KIAA1210: variants seen among roughly 807,000 people sequenced by gnomAD.
KIAA1210 encodes acrosomal protein KIAA1210.
KIAA1210 carries 48 observed loss-of-function variants against 78.9 expected under a neutral mutation model. The ratio of observed to expected loss-of-function variants is 0.61; its 90% CI spans 0.48 to 0.77. The LOEUF is 0.77. Among genes scored for constraint, KIAA1210 ranks in the 30% least tolerant of loss-of-function variants. The probability of loss-of-function intolerance (pLI) is 0.00; values close to 1 mark genes in which losing one functional copy is unlikely to be tolerated. For missense variants in KIAA1210, 1,108 were observed against 1,100.0 expected, an observed-to-expected ratio of 1.01 and a Z score of -0.10; for synonymous variants, 406 against 404.5, an observed-to-expected ratio of 1.00 and a Z score of -0.04.
chrX:119,108,829 G>A (rs1040923521), intron 4 of KIAA1210, among the ~76,000 whole-genome samples: 1 of 105,810 alleles, frequency 9.5e-6, no homozygotes, highest in Non-Finnish European at 1.9e-5. Context: ...AGGTGACAGA[G>A]TGAGACCTGT....
At position 119,088,408 on chromosome X, in the gene KIAA1210, G is replaced by A; in HGVS notation, c.2294C>T (p.Ser765Phe). 1 of 1,211,163 alleles carries A rather than the reference G, an allele frequency of 8.3e-7. No individual in the cohort carries two copies. The highest frequency in any genetic ancestry group is 3.0e-5 in the East Asian group (1 of 33,818). The change falls in exon 9 of 12, where the codon TCC becomes TTC. Residue 765 changes from serine to phenylalanine, a missense_variant. Coordinates refer to ENST00000691062, the MANE Select transcript of KIAA1210 (RefSeq NM_001394962.1). ...SVGTSIKQSDSVEPIPPRHPF... is the reference protein window; with the variant it reads ...SVGTSIKQSDFVEPIPPRHPF... Reference sequence around the variant, plus strand: ...GTGTCTTGGAGGGATTGGCTCCACGGAATCGCTCTGTTTTATAGAAGTGCC... The same window carrying A: ...GTGTCTTGGAGGGATTGGCTCCACGAAATCGCTCTGTTTTATAGAAGTGCC...
chrX:119,080,955 G>C lies in KIAA1210; in HGVS notation c.*374C>G. On this transcript the variant is annotated 3_prime_UTR_variant, in exon 12 of 12. Coordinates refer to ENST00000691062, the MANE Select transcript of KIAA1210 (RefSeq NM_001394962.1). ...CTACATAGAATTAATACAGCTATTA[G>C]CAATTATCATTTAAAACGCTGATGC... 8.3e-6 allele frequency: 1 copy of C among 120,076 alleles called. No homozygotes were observed. Among genetic ancestry groups the C allele is most frequent in the African/African-American group, 3.2e-5 (1 of 31,301 alleles). The allele number at this position is 120,076 out of a possible 1,213,427, so 9.9% of individuals were successfully genotyped here. A position where few individuals can be genotyped will look rare whatever the true frequency, so the allele number is the denominator to read the frequency against.
chrX:119,147,923 C>G (rs1224382022), intron 1 of KIAA1210, among the ~76,000 whole-genome samples: 1 of 111,962 alleles, frequency 8.9e-6, no homozygotes, highest in Non-Finnish European at 1.9e-5. Flanking sequence ...TCACTTGAGC[C>G]CAGGAGTTTG....
intron 3 of KIAA1210, among the ~76,000 whole-genome samples, chrX:119,111,946 C>A (rs763580989): frequency 7.2e-5 from 8 of 110,627 alleles, no homozygotes; most frequent in Non-Finnish European, 1.1e-4. Context: ...GCTCTGTGTC[C>A]CCACCCAAAT....
chrX:119,135,487 G>T (rs1026246152), intron 2 of KIAA1210, among the ~76,000 whole-genome samples: 2 of 111,666 alleles, frequency 1.8e-5, no homozygotes, highest in Non-Finnish European at 3.8e-5. Flanking sequence ...GGGGAGGAGG[G>T]GCAGGAAAGC....
chrX:119,138,519 G>GAGA (rs1928975924), intron 2 of KIAA1210, among the ~76,000 whole-genome samples: 1 of 111,411 alleles, frequency 9.0e-6, no homozygotes, highest in Admixed American at 9.6e-5. Flanking sequence ...GCGCCAGGCC[G>GAGA]AGAAGGCGGA....
Position 119,088,856 on chromosome X carries a change from C to A in KIAA1210, c.1846G>T (p.Gly616Cys), listed in dbSNP as rs376637053. 99 of 1,209,576 alleles carry A rather than the reference C, an allele frequency of 8.2e-5. No individual in the cohort carries two copies. The highest frequency in any genetic ancestry group is 3.4e-4 in the South Asian group (19 of 56,590). ...DSENIPEEGD[G>C]SEELAHGHSS... ...TGACCATGAGCCAGTTCTTCAGAAC[C>A]ATCCCCCTCCTCAGGAATATTCTCT... Residue 616 changes from glycine to cysteine, a missense_variant, in exon 9 of 12, where the codon GGT (glycine) becomes TGT (cysteine). By Grantham distance (159) the Gly-to-Cys change is radical. Around this residue, in one of 5 missense-constraint regions of KIAA1210, gnomAD observed 672 missense variants for 607.1 expected, o/e 1.11. Transcript: ENST00000691062.
At position 119,079,152 on chromosome X, in the gene KIAA1210, A is replaced by T. The variant is rs377731977; in HGVS notation, c.*2177T>A. The T allele has an allele frequency of 3.5e-5, 4 of 112,751 alleles. No individual in the cohort carries two copies. Among genetic ancestry groups the T allele is most frequent in the African/African-American group, 1.3e-4 (4 of 31,087 alleles). 9.3% of individuals were successfully genotyped at this position (112,751 alleles called of 1,213,427 possible). A position where few individuals can be genotyped will look rare whatever the true frequency, so the allele number is the denominator to read the frequency against. On this transcript the variant is annotated 3_prime_UTR_variant, in exon 12 of 12. Transcript: ENST00000691062. ...TTAGCATGTAATTGTACTGTGTCAC[A>T]TTATACCAGCATCAACAAAACCCAG...
chrX:119,147,342 A>T, intron 2 of KIAA1210: 1 of 738,426 alleles, frequency 1.4e-6, no homozygotes. Flanking sequence ...CTAATCTCAA[A>T]TTGTAACCCA....
At chrX:119,119,747 C>T (rs1928385880) in intron 2 of KIAA1210, among the ~76,000 whole-genome samples, 1 of 110,730 alleles carries the variant, frequency 9.0e-6, no homozygotes, top group Non-Finnish European at 1.9e-5. Context: ...GAGGCCGAGG[C>T]GGGCGGATCA....
intron 1 of KIAA1210, among the ~76,000 whole-genome samples, chrX:119,125,736 T>TATATA (rs1556003327): frequency 4.5e-4 from 4 of 8,831 alleles, no homozygotes; most frequent in Non-Finnish European, 5.2e-4. Context: ...TATATATATA[T>TATATA]TTTTTTTTTT....
rs766713044 is a variant in KIAA1210, at chrX:119,089,637, T to G, written c.1065A>C (p.Ala355=). The G allele has an allele frequency of 8.3e-7, 1 of 1,211,676 alleles. No homozygotes were observed. Residue 355 remains alanine, a synonymous_variant, in exon 9 of 12, where the codon GCA becomes GCC. Transcript: ENST00000691062. ...TTCTTCTCCATCTTCTTCCATATGC[T>G]GCTGACATTGGATAGCCCTGACTCC... ...ASRSQGYPMS[A]AYGRRWRRKG... is the part of the protein sequence containing the mutation.
intron 1 of KIAA1210, among the ~76,000 whole-genome samples, chrX:119,125,735 A>ATATATATATTTTT (rs5903546): frequency 3.2e-4 from 5 of 15,788 alleles, no homozygotes; most frequent in South Asian, 9.3e-3. Context: ...ATATATATAT[A>ATATATATATTTTT]TTTTTTTTTT....
At position 119,105,112 on chromosome X, in the gene KIAA1210, G is replaced by A. The variant is rs751900110; in HGVS notation, c.528C>T (p.Ile176=). ...TTATTTCAGGTTGGATAACAGGTGGGATGATGCTGAGTCGGCGTCGGCGCG... is the reference window on the plus strand; with the variant it reads ...TTATTTCAGGTTGGATAACAGGTGGAATGATGCTGAGTCGGCGTCGGCGCG... ...PPSRRRRLSI[I]PPVIQPEIIS... Residue 176 remains isoleucine, a synonymous_variant, in exon 6 of 12, where the codon ATC becomes ATT. Transcript: ENST00000691062. 5 of 1,207,418 alleles carry A rather than the reference G, an allele frequency of 4.1e-6. No individual in the cohort carries two copies. In the Admixed American group the frequency reaches 6.6e-5, roughly 16 times the overall value.
chrX:119,119,584 C>T (rs1928379128), intron 2 of KIAA1210, among the ~76,000 whole-genome samples: 1 of 112,468 alleles, frequency 8.9e-6, no homozygotes, highest in Admixed American at 9.4e-5. Context: ...GTGGCTCACA[C>T]CTGTAATCCC....
chrX:119,089,803 T>C, intron 8 of KIAA1210, 57 bp from the exon 9 acceptor site: 1 of 1,062,891 alleles, frequency 9.4e-7, no homozygotes, highest in Non-Finnish European at 1.3e-6. Flanking sequence ...CTTCCTAAAA[T>C]AAGAATACTG....
intron 11 of KIAA1210, 144 bp downstream of exon 11, chrX:119,082,871 A>G (rs747190584): frequency 5.1e-5 from 20 of 394,730 alleles, no homozygotes; most frequent in African/African-American, 4.8e-4. Flanking sequence ...ATAAGCTAAT[A>G]TTTGTATCTA....
rs767634567 is a variant in KIAA1210 at position 119,085,338 on chromosome X, C to A, written c.4320+45G>T. 1.2e-5 allele frequency: 14 copies of A among 1,149,682 alleles called. No individual in the cohort carries two copies. The South Asian group carries it at 2.2e-4, about 18-fold the overall frequency. The allele number at this position is 1,149,682 out of a possible 1,213,427, so 94.7% of individuals were successfully genotyped here. A position where few individuals can be genotyped will look rare whatever the true frequency, so the allele number is the denominator to read the frequency against. On this transcript the variant is annotated intron_variant, in intron 10 of 11. Transcript: ENST00000691062. The stretch of plus-strand genomic sequence containing the variant: ...CCCAATAGAAACCTAATCAGTGATT[C>A]CAGCAACCTTTTTGGAGTGTTTTAT...
Position 119,078,929 on chromosome X carries a change from C to A in KIAA1210, c.*2400G>T, listed in dbSNP as rs1926854160. On this transcript the variant is annotated 3_prime_UTR_variant, in exon 12 of 12. Transcript: ENST00000691062. ...TTCTCAGAGTGACAATAACTGAATA[C>A]AGGTTCACTGTAAAAAAGGGAAGGG... 1 of 111,439 alleles carries A rather than the reference C, an allele frequency of 9.0e-6. No individual in the cohort carries two copies. The allele number at this position is 111,439 out of a possible 1,213,427, so 9.2% of individuals were successfully genotyped here.
Sources: allele counts gnomAD v4.1 joint callset (sites outside exome capture counted in the v4.1 genomes callset), GRCh38; gene constraint gnomAD v4.1.1; regional missense constraint gnomAD v4.1.1; transcripts MANE v1.5; gene names NCBI Gene and HGNC (gene_info 2026-07-23, HGNC 2026-07-21).